MYO3A: variants seen among roughly 807,000 people sequenced by gnomAD.
MYO3A encodes myosin IIIA.
Under a neutral mutation model 192.7 loss-of-function variants are expected in MYO3A, and 180 were observed. That is an observed-to-expected ratio of 0.93 (90% confidence interval 0.83 to 1.06). The LOEUF (loss-of-function observed/expected upper bound fraction) is 1.06. MYO3A is among the 50% of genes least tolerant of loss of function. MYO3A has a pLI of 0.00. For missense variants in MYO3A, 1,896 were observed against 1,905.0 expected (o/e 1.00, Z 0.09); for synonymous variants, 628 against 645.3 (o/e 0.97, Z 0.41).
At chr10:26,124,800 G>GCCAAA in intron 18 of MYO3A, among the ~76,000 whole-genome samples, 1 of 152,252 alleles carries the variant, frequency 6.6e-6, no homozygotes, top group Admixed American at 6.5e-5. Context: ...CCAAATAAAT[G>GCCAAA]TTTGTTCAAA....
At chr10:26,013,728 A>G (rs931954806) in intron 6 of MYO3A, among the ~76,000 whole-genome samples, 30 of 152,112 alleles carry the variant, frequency 2.0e-4, no homozygotes, top group Non-Finnish European at 3.8e-4. Context: ...AAGAGCTATT[A>G]ATAAAAGTAG....
intron 18 of MYO3A, among the ~76,000 whole-genome samples, chr10:26,123,930 A>G (rs200203996): frequency 2.5e-5 from 1 of 39,622 alleles, no homozygotes; most frequent in Non-Finnish European, 7.3e-5. Context: ...CATCTAAAAC[A>G]AAAAACAAAA....
intron 22 of MYO3A, among the ~76,000 whole-genome samples, chr10:26,146,271 G>C (rs1201408053): frequency 6.6e-6 from 1 of 151,898 alleles, no homozygotes; most frequent in African/African-American, 2.4e-5. Context: ...GGACAAAGAG[G>C]ATATTCAGAT....
At chr10:25,953,782 A>T (rs533543911) in intron 3 of MYO3A, among the ~76,000 whole-genome samples, 28 of 152,252 alleles carry the variant, frequency 1.8e-4, no homozygotes, top group Middle Eastern at 3.4e-3. Context: ...TTTCATGACT[A>T]TTAAGCTTAA....
At chr10:25,996,778 T>C (rs1020081262) in intron 5 of MYO3A, among the ~76,000 whole-genome samples, 184 bp downstream of exon 5, 9 of 152,180 alleles carry the variant, frequency 5.9e-5, no homozygotes, top group African/African-American at 1.2e-4. Flanking sequence ...TTTACTTTCA[T>C]TGGACCAACA....
intron 7 of MYO3A, among the ~76,000 whole-genome samples, chr10:26,019,847 A>G (rs937840442): frequency 2.0e-5 from 3 of 152,164 alleles, no homozygotes; most frequent in African/African-American, 7.2e-5. Flanking sequence ...CAATATTCCT[A>G]TGAATATTTG....
At chr10:26,194,419 A>C (rs749700014) in intron 32 of MYO3A, among the ~76,000 whole-genome samples, 17 of 151,992 alleles carry the variant, frequency 1.1e-4, no homozygotes, top group South Asian at 6.2e-4. Flanking sequence ...GGTGAGCTGC[A>C]TTCCCTCATG....
At chr10:25,973,100 C>G (rs536694463) in intron 4 of MYO3A, among the ~76,000 whole-genome samples, 1 of 152,178 alleles carries the variant, frequency 6.6e-6, no homozygotes, top group African/African-American at 2.4e-5. Context: ...GACATTGATT[C>G]TTTCCATCCA....
chr10:26,142,137 T>G (rs1024008419), intron 20 of MYO3A, among the ~76,000 whole-genome samples: 2 of 152,232 alleles, frequency 1.3e-5, no homozygotes, highest in Non-Finnish European at 2.9e-5. Context: ...TGCCTTGCCT[T>G]CAGTATTCAA....
chr10:25,983,945 A>T (rs2130811631), intron 4 of MYO3A, among the ~76,000 whole-genome samples: 1 of 152,342 alleles, frequency 6.6e-6, no homozygotes, highest in South Asian at 2.1e-4. Context: ...GAAGGGATTG[A>T]GGTCCAATTT....
intron 6 of MYO3A, among the ~76,000 whole-genome samples, chr10:26,005,454 G>GT (rs112836913): frequency 0.094 from 14,254 of 152,122 alleles, 1,170 homozygotes; most frequent in African/African-American, 0.21. Flanking sequence ...ATTTAGGACA[G>GT]TTGATGAAAT....
chr10:25,978,514 T>C (rs1256091614), intron 4 of MYO3A, among the ~76,000 whole-genome samples: 2 of 152,178 alleles, frequency 1.3e-5, no homozygotes, highest in Non-Finnish European at 2.9e-5. Flanking sequence ...GCCCTCATGA[T>C]TCAATTACCT....
chr10:26,080,430 C>G (rs1255346587), intron 14 of MYO3A, among the ~76,000 whole-genome samples: 3 of 151,716 alleles, frequency 2.0e-5, no homozygotes. Flanking sequence ...CCCTTCACTT[C>G]TTGTATCATT....
At chr10:26,039,914 A>G (rs1843248523) in intron 10 of MYO3A, among the ~76,000 whole-genome samples, 2 of 150,730 alleles carry the variant, frequency 1.3e-5, no homozygotes, top group African/African-American at 4.9e-5. Flanking sequence ...TCTTTTACTA[A>G]TCTTGAGTTT....
At chr10:26,126,939 TTTG>T (rs2131740056) in intron 19 of MYO3A, among the ~76,000 whole-genome samples, 1 of 152,324 alleles carries the variant, frequency 6.6e-6, no homozygotes, top group African/African-American at 2.4e-5. Context: ...TTAGTTCAAC[TTTG>T]TTAAGTTGTA....
At chr10:25,935,297 C>T (rs1162254373) in intron 1 of MYO3A, among the ~76,000 whole-genome samples, 1 of 152,190 alleles carries the variant, frequency 6.6e-6, no homozygotes, top group African/African-American at 2.4e-5. Context: ...TAGTTGCTAA[C>T]TCGCACCTTG....
chr10:25,996,397 G>T (rs988568799), intron 4 of MYO3A, 93 bp from the exon 5 acceptor site: 17 of 977,502 alleles, frequency 1.7e-5, no homozygotes, highest in Non-Finnish European at 2.8e-5. Context: ...GAGAACATTG[G>T]AACACTTTTA....
intron 8 of MYO3A, chr10:26,022,652 A>AT (rs1842366121): frequency 6.6e-6 from 1 of 152,198 alleles, no homozygotes; most frequent in Non-Finnish European, 1.5e-5. Context: ...CATTTCATTA[A>AT]TTTTGAAGAA....
chr10:26,146,172 T>G (rs1840455386), intron 22 of MYO3A, among the ~76,000 whole-genome samples: 4 of 152,200 alleles, frequency 2.6e-5, no homozygotes, highest in African/African-American at 7.2e-5. Flanking sequence ...ACCTCAGATT[T>G]GTTGTCCTAG....
Sources: gnomAD v4.1 joint callset for allele counts (sites outside exome capture counted in the v4.1 genomes callset) on GRCh38, gnomAD v4.1.1 for gene constraint, MANE v1.5 for transcripts, NCBI Gene and HGNC (gene_info 2026-07-23, HGNC 2026-07-21) for gene names.